The following TTC6 variants were observed in gnomAD, a reference collection of about 807,000 sequenced individuals.
TTC6 encodes the protein tetratricopeptide repeat protein 6.
In TTC6, 172 loss-of-function variants were observed where a neutral mutation model predicts 210.4. The ratio of observed to expected loss-of-function variants is 0.82; its 90% CI spans 0.72 to 0.93. The LOEUF is 0.93. Ranked by LOEUF, TTC6 falls within the 40% of genes least tolerant of loss-of-function variation. The pLI, the probability that TTC6 is intolerant of heterozygous loss-of-function variation, is 0.00. For missense variants in TTC6, 2,414 were observed against 2,318.1 expected (o/e 1.04, Z -0.85); for synonymous variants, 804 against 819.6 (o/e 0.98, Z 0.32).
chr14:37,617,735 C>T (rs1039643466), upstream of TTC6, among the ~76,000 whole-genome samples: 1 of 152,124 alleles, frequency 6.6e-6, no homozygotes, highest in Non-Finnish European at 1.5e-5. Flanking sequence ...GTTTTCCTTG[C>T]AAGGCTGAAG....
At chr14:37,781,031 G>A (rs1041717001) in intron 14 of TTC6, among the ~76,000 whole-genome samples, 12 of 152,186 alleles carry the variant, frequency 7.9e-5, no homozygotes, top group Admixed American at 1.3e-4. Context: ...TCTATCATTG[G>A]TAGACATTTG....
intron 3 of TTC6, among the ~76,000 whole-genome samples, chr14:37,696,175 T>G (rs1018526772): frequency 6.6e-6 from 1 of 152,156 alleles, no homozygotes; most frequent in Admixed American, 6.5e-5. Context: ...TACCTTCTAC[T>G]TATTCAACCA....
chr14:37,692,366 A>T (rs1469143252), intron 3 of TTC6, among the ~76,000 whole-genome samples: 1 of 151,966 alleles, frequency 6.6e-6, no homozygotes, highest in Non-Finnish European at 1.5e-5. Context: ...GATAAATCCC[A>T]CTTTGGGATG....
intron 1 of TTC6, among the ~76,000 whole-genome samples, chr14:37,624,485 C>G (rs2095656787): frequency 6.6e-6 from 1 of 152,090 alleles, no homozygotes; most frequent in South Asian, 2.1e-4. Flanking sequence ...GAAAGTTATA[C>G]CTCAGAGCAG....
intron 3 of TTC6, among the ~76,000 whole-genome samples, chr14:37,687,084 A>G (rs2095795420): frequency 6.6e-6 from 1 of 152,150 alleles, no homozygotes; most frequent in African/African-American, 2.4e-5. Context: ...TTGAAGACAC[A>G]GGAAAAATAG....
At chr14:37,766,239 G>C (rs1445068833) in intron 14 of TTC6, among the ~76,000 whole-genome samples, 1 of 151,962 alleles carries the variant, frequency 6.6e-6, no homozygotes, top group Non-Finnish European at 1.5e-5. Context: ...TAGGTTCAGA[G>C]GTACATATGC....
At chr14:37,760,018 A>G (rs768696360) in intron 14 of TTC6, among the ~76,000 whole-genome samples, 5 of 152,176 alleles carry the variant, frequency 3.3e-5, no homozygotes, top group African/African-American at 9.7e-5. Context: ...CGTCAATCTC[A>G]TTCTCTATCC....
chr14:37,628,505 A>T (rs947905478), intron 1 of TTC6, among the ~76,000 whole-genome samples: 8 of 152,072 alleles, frequency 5.3e-5, no homozygotes, highest in African/African-American at 1.9e-4. Context: ...TCTGGATATT[A>T]GCCCTTTGTG....
intron 1 of TTC6, among the ~76,000 whole-genome samples, chr14:37,605,879 A>T (rs1594998390): frequency 6.6e-6 from 1 of 150,914 alleles, no homozygotes; most frequent in African/African-American, 2.4e-5. Flanking sequence ...TTTCAAATGG[A>T]TAGTTTTATT....
intron 14 of TTC6, among the ~76,000 whole-genome samples, chr14:37,768,060 C>G (rs2096005023): frequency 6.6e-6 from 1 of 150,974 alleles, no homozygotes; most frequent in African/African-American, 2.4e-5. Flanking sequence ...AATAGGGAAT[C>G]CTTTCCCCAT....
chr14:37,803,973 CT>C (rs2096112733), intron 20 of TTC6, among the ~76,000 whole-genome samples: 1 of 151,950 alleles, frequency 6.6e-6, no homozygotes, highest in Non-Finnish European at 1.5e-5. Context: ...AAGTATTTGT[CT>C]TTCTATATAC....
At chr14:37,629,687 T>C (rs2095666126) in intron 1 of TTC6, among the ~76,000 whole-genome samples, 1 of 152,210 alleles carries the variant, frequency 6.6e-6, no homozygotes, top group African/African-American at 2.4e-5. Context: ...GTTTTGCTGG[T>C]TTTCAAAGGG....
At chr14:37,750,089 C>T (rs866889101) in intron 12 of TTC6, among the ~76,000 whole-genome samples, 3 of 152,060 alleles carry the variant, frequency 2.0e-5, no homozygotes, top group African/African-American at 7.2e-5. Flanking sequence ...CCTTACTGCT[C>T]ATCTCACAAC....
intron 14 of TTC6, among the ~76,000 whole-genome samples, chr14:37,758,055 T>C (rs1224277726): frequency 6.6e-6 from 1 of 152,230 alleles, no homozygotes; most frequent in Admixed American, 6.5e-5. Context: ...CTGTTTGTTA[T>C]GATTTCCATT....
intron 1 of TTC6, among the ~76,000 whole-genome samples, chr14:37,599,631 C>T (rs561946878): frequency 4.5e-4 from 68 of 152,276 alleles, no homozygotes; most frequent in Admixed American, 9.1e-4. Context: ...CCCCACCCGG[C>T]CTCGCCCGCG....
intron 26 of TTC6, among the ~76,000 whole-genome samples, chr14:37,819,179 A>G (rs1228928409): frequency 2.0e-5 from 3 of 152,192 alleles, no homozygotes; most frequent in South Asian, 2.1e-4. Context: ...TCAGAGTCCC[A>G]GTTCCACGTG....
chr14:37,749,830 T>TA lies in TTC6; in HGVS notation c.2948dup (p.Asn983LysfsTer2). On this transcript the variant is annotated frameshift_variant, in exon 12 of 31. Coordinates refer to ENST00000553443, the Ensembl canonical transcript of TTC6. LOFTEE classifies it high-confidence loss of function. ...ACTTGAATTATATACATAAATATAA[T>TA]AAAAATAATACAGGTGGGTTGTCTG... 7.1e-7 allele frequency: 1 copy of TA among 1,401,878 alleles called. No homozygotes were observed. 86.8% of individuals were successfully genotyped at this position (1,401,878 alleles called of 1,614,324 possible). A position where few individuals can be genotyped will look rare whatever the true frequency, so the allele number is the denominator to read the frequency against.
intron 18 of TTC6, 115 bp downstream of exon 20, chr14:37,795,467 C>A: frequency 1.8e-6 from 1 of 559,370 alleles, no homozygotes; most frequent in Non-Finnish European, 2.9e-6. Context: ...TTTAATCTCC[C>A]AGCAATTGCC....
chr14:37,725,237 A>G (rs1423725198), intron 7 of TTC6, among the ~76,000 whole-genome samples: 1 of 142,706 alleles, frequency 7.0e-6, no homozygotes, highest in Non-Finnish European at 1.5e-5. Flanking sequence ...ATATGTTCAT[A>G]TGTGTGTGTG....
Sources: allele counts gnomAD v4.1 joint callset (sites outside exome capture counted in the v4.1 genomes callset), GRCh38; gene constraint gnomAD v4.1.1; transcripts MANE v1.5; gene names NCBI Gene and HGNC (gene_info 2026-07-23, HGNC 2026-07-21).